SUMF1: variants seen among roughly 807,000 people sequenced by gnomAD.
SUMF1 encodes the protein formylglycine-generating enzyme.
SUMF1 carries 48 observed loss-of-function variants against 47.6 expected under a neutral mutation model. That is an observed-to-expected ratio of 1.01 (90% CI 0.80 to 1.28). The LOEUF is 1.28. SUMF1 is among the 50% of genes most tolerant of loss of function. The pLI, the probability that SUMF1 is intolerant of heterozygous loss-of-function variation, is 0.00. For synonymous variants in SUMF1, 230 were observed against 192.1 expected, an observed-to-expected ratio of 1.20 and a Z score of -1.63; for missense variants, 571 against 485.4, an observed-to-expected ratio of 1.18 and a Z score of -1.66.
At chr3:4,131,523 T>A (rs1693788761) in intron 8 of SUMF1, among the ~76,000 whole-genome samples, 1 of 152,120 alleles carries the variant, frequency 6.6e-6, no homozygotes, top group Admixed American at 6.5e-5. Context: ...ATCTTCCCAG[T>A]GGGCAGTACT....
intron 7 of SUMF1, among the ~76,000 whole-genome samples, chr3:4,397,098 T>A (rs1701062679): frequency 6.6e-6 from 1 of 152,240 alleles, no homozygotes. Context: ...CAGGTGGTTC[T>A]TTAACTTCAG....
At chr3:4,136,332 C>G (rs1043911980) in intron 8 of SUMF1, among the ~76,000 whole-genome samples, 1 of 152,114 alleles carries the variant, frequency 6.6e-6, no homozygotes, top group East Asian at 1.9e-4. Flanking sequence ...CTACAACCAT[C>G]TGATCTTTGA....
rs765508829 is a variant in SUMF1 at position 4,467,206 on chromosome 3, G to A, written c.40C>T (p.Pro14Ser). The change falls in exon 1 of 9, where the codon CCT (proline) becomes TCT (serine). Residue 14 changes from proline to serine, a missense_variant. Pro to Ser is a moderately conservative substitution (Grantham distance 74). Coordinates refer to ENST00000272902, the MANE Select transcript of SUMF1 (RefSeq NM_182760.4). ...PALGLVCGRC[P>S]ELGLVLLLLL... ...AGCAAGAGGACGAGACCCAGCTCAG[G>A]GCAACGTCCACACACCAGCCCTAGT... The A allele has an allele frequency of 2.0e-5, 32 of 1,611,690 alleles. No individual in the cohort carries two copies. Among genetic ancestry groups the A allele is most frequent in the Non-Finnish European group, 2.3e-5 (27 of 1,179,332 alleles).
At chr3:4,085,292 G>A (rs1692648338) in intron 8 of SUMF1, among the ~76,000 whole-genome samples, 1 of 152,092 alleles carries the variant, frequency 6.6e-6, no homozygotes. Context: ...AGAAAGGCAA[G>A]TCCAAGATGA....
chr3:4,217,522 A>ATATATTATATATATATAATATATATATAT (rs1553610079), intron 8 of SUMF1, among the ~76,000 whole-genome samples: 1 of 72,240 alleles, frequency 1.4e-5, no homozygotes, highest in African/African-American at 6.0e-5. Context: ...TTTTATATAT[A>ATATATTATATATATATAATATATATATAT]TATATATATA....
At position 4,108,087 on chromosome 3, in the gene SUMF1, G is replaced by C. The variant is rs114900800; in HGVS notation, c.1015-39342C>G. ...TAGAACAGTGTTTTTCAAACTGTAG[G>C]TTGCTATTCATAAAGAGAGATGATT... On this transcript the variant is annotated intron_variant and NMD_transcript_variant, in intron 8 of 12. Coordinates refer to the SUMF1 transcript ENST00000448413. Among the ~76,000 whole-genome samples the C allele has an allele frequency of 1.5e-3, 235 of 152,172 alleles. 3 individuals carry two copies. Among genetic ancestry groups the C allele is most frequent in the African/African-American group, 5.5e-3 (227 of 41,478 alleles).
At chr3:4,076,903 C>T (rs971103362) in intron 8 of SUMF1, among the ~76,000 whole-genome samples, 2 of 151,990 alleles carry the variant, frequency 1.3e-5, no homozygotes, top group African/African-American at 4.8e-5. Flanking sequence ...ACTCGGGAGG[C>T]TGAGGCAGGA....
At chr3:4,428,460 C>T (rs1052369315) in intron 3 of SUMF1, among the ~76,000 whole-genome samples, 1 of 152,024 alleles carries the variant, frequency 6.6e-6, no homozygotes, top group Non-Finnish European at 1.5e-5. Flanking sequence ...CTCAAGCAAT[C>T]CTCCCACCTC....
At chr3:4,201,997 G>T (rs1054554985) in intron 8 of SUMF1, among the ~76,000 whole-genome samples, 1 of 151,754 alleles carries the variant, frequency 6.6e-6, no homozygotes, top group Non-Finnish European at 1.5e-5. Flanking sequence ...TACATATTCT[G>T]GTTATTAATT....
At chr3:4,369,425 C>T (rs376609070) in intron 8 of SUMF1, among the ~76,000 whole-genome samples, 2 of 152,168 alleles carry the variant, frequency 1.3e-5, no homozygotes, top group Admixed American at 6.5e-5. Context: ...AGGGCCTACT[C>T]GTCGGGCTGC....
intron 8 of SUMF1, among the ~76,000 whole-genome samples, chr3:4,256,859 C>A (rs1696966396): frequency 7.3e-6 from 1 of 137,704 alleles, no homozygotes; most frequent in African/African-American, 2.8e-5. Context: ...CAAAAATCCT[C>A]AATAAAATAC....
At chr3:4,307,816 C>T (rs929519770) in intron 8 of SUMF1, among the ~76,000 whole-genome samples, 19 of 152,146 alleles carry the variant, frequency 1.2e-4, no homozygotes, top group Admixed American at 1.0e-3. Context: ...GCGGGAGAAT[C>T]ACTTGAAGTC....
chr3:4,219,962 A>G (rs1209573557), intron 8 of SUMF1, among the ~76,000 whole-genome samples: 1 of 151,144 alleles, frequency 6.6e-6, no homozygotes, highest in African/African-American at 2.4e-5. Flanking sequence ...GTAATGTTTC[A>G]CATGAGCTGG....
In SUMF1 at chr3:4,130,110, A is replaced by T. The variant is rs183692960; in HGVS notation, c.1015-61365T>A. 2.2e-4 allele frequency among the ~76,000 whole-genome samples: 33 copies of T among 152,266 alleles called. No homozygotes were observed. The East Asian group carries it at 6.4e-3, about 29-fold the overall frequency. On this transcript the variant is annotated intron_variant and NMD_transcript_variant, in intron 8 of 12. Transcript: ENST00000448413. Reference sequence around the variant, plus strand: ...GACTTGAAAGATGCAGAGGTGAATGATTCCCACCACAACCCCATTCAACTC... The same window carrying T: ...GACTTGAAAGATGCAGAGGTGAATGTTTCCCACCACAACCCCATTCAACTC...
At chr3:4,266,246 G>A (rs1575035803) in intron 8 of SUMF1, among the ~76,000 whole-genome samples, 2 of 152,072 alleles carry the variant, frequency 1.3e-5, no homozygotes, top group South Asian at 4.1e-4. Flanking sequence ...CTTTAAAGTA[G>A]TTTTTTCCAA....
chr3:4,229,823 G>A (rs1459720104), intron 8 of SUMF1, among the ~76,000 whole-genome samples: 1 of 151,960 alleles, frequency 6.6e-6, no homozygotes, highest in African/African-American at 2.4e-5. Flanking sequence ...AGACCAGCCT[G>A]GGCAACATAG....
At chr3:4,303,499 C>T in intron 8 of SUMF1, 2 of 1,463,170 alleles carry the variant, frequency 1.4e-6, no homozygotes, top group South Asian at 1.5e-5. Flanking sequence ...GCGCGTGGCC[C>T]CCGGGGGCCG....
At chr3:4,265,006 G>A (rs1697160278) in intron 8 of SUMF1, among the ~76,000 whole-genome samples, 1 of 152,024 alleles carries the variant, frequency 6.6e-6, no homozygotes, top group African/African-American at 2.4e-5. Context: ...GGTGGCGCAT[G>A]CCTGTAATCC....
At chr3:4,273,686 A>AGGGAGGGAGGATAC (rs769902821) in intron 8 of SUMF1, among the ~76,000 whole-genome samples, 76 of 98,546 alleles carry the variant, frequency 7.7e-4, no homozygotes, top group Non-Finnish European at 8.8e-4. Flanking sequence ...GAAAGAAGGA[A>AGGGAGGGAGGATAC]GGGAGGGAGG....
Sources: allele counts gnomAD v4.1 joint callset (sites outside exome capture counted in the v4.1 genomes callset), GRCh38; gene constraint gnomAD v4.1.1; transcripts MANE v1.5; gene names NCBI Gene and HGNC (gene_info 2026-07-23, HGNC 2026-07-21).